Variants in AQP8 observed in about 807,000 individuals in gnomAD.
AQP8 encodes aquaporin-8.
In AQP8, 14 loss-of-function variants were observed where a neutral mutation model predicts 26.1. The ratio of observed to expected loss-of-function variants is 0.54; its 90% confidence interval spans 0.35 to 0.84. The LOEUF (loss-of-function observed/expected upper bound fraction) is 0.84, where lower values mean the gene tolerates loss of function less well. Among genes scored for constraint, AQP8 ranks in the 40% least tolerant of loss-of-function variants. The pLI, the probability that AQP8 is intolerant of heterozygous loss-of-function variation, is 0.01. For synonymous variants in AQP8, 131 were observed against 150.7 expected (o/e 0.87, Z 0.96); for missense variants, 301 against 340.5 (o/e 0.88, Z 0.91).
intron 2 of AQP8, among the ~76,000 whole-genome samples, chr16:25,220,786 C>T (rs1258578845): frequency 1.3e-5 from 2 of 152,212 alleles, no homozygotes; most frequent in South Asian, 2.1e-4. Context: ...CACGGTAGCT[C>T]GTGCCTGTAA....
At chr16:25,220,451 G>T (rs1962546429) in intron 2 of AQP8, among the ~76,000 whole-genome samples, 1 of 152,192 alleles carries the variant, frequency 6.6e-6, no homozygotes, top group South Asian at 2.1e-4. Flanking sequence ...GCCTGGGCTG[G>T]TTGAACATCT....
chr16:25,225,472 C>T (rs1345966896), intron 4 of AQP8, among the ~76,000 whole-genome samples: 9 of 141,848 alleles, frequency 6.3e-5, no homozygotes, highest in Middle Eastern at 3.8e-3. Context: ...CTTACAAGCC[C>T]TTTTTTTTTT....
Position 25,217,024 on chromosome 16 carries a change from A to C in AQP8, c.-22A>C. On this transcript the variant is annotated 5_prime_UTR_variant, in exon 1 of 6. It removes an upstream start codon present in the reference 5' UTR. Transcript: ENST00000219660. The stretch of plus-strand genomic sequence containing the variant: ...TCCCAGCAGCTCAGGCAAGAGTCCG[A>C]TGTTTGTGCCATCTGATCCTGATGT... The C allele has an allele frequency of 6.2e-7, 1 of 1,613,874 alleles. No individual in the cohort carries two copies.
chr16:25,225,234 T>C (rs1962615143), intron 4 of AQP8, among the ~76,000 whole-genome samples: 1 of 152,214 alleles, frequency 6.6e-6, no homozygotes, highest in Non-Finnish European at 1.5e-5. Context: ...TCCTCCTGCG[T>C]TGGCCTCTCA....
rs1312611638 is a variant in AQP8 at position 25,226,446 on chromosome 16, A to G, written c.603-622A>G. Among the ~76,000 whole-genome samples the G allele has an allele frequency of 3.9e-5, 6 of 152,078 alleles. No individual in the cohort carries two copies. In the South Asian group the frequency reaches 1.0e-3, roughly 26 times the overall value. On this transcript the variant is annotated intron_variant, in intron 4 of 5. Transcript: ENST00000219660. ...CTAACTTTGTATTTTTAATACAGAC[A>G]GGGTTTCACCATGTTGGCCAGGCTG...
rs914759939 is a variant in AQP8, at chr16:25,217,272, C to G, written c.87C>G (p.Ser29=). The change falls in exon 2 of 6, where the codon TCC becomes TCG. Residue 29 remains serine, a synonymous_variant. Coordinates refer to ENST00000219660, the MANE Select transcript of AQP8 (RefSeq NM_001169.3). ...EPSVGGRWRV[S]WYERFVQPCL... ...GCGTGGGTGGCAGGTGGCGAGTGTC[C>G]TGGTACGAACGGTTTGTGCAGCCAT... is the stretch of plus-strand genomic sequence containing the variant. The G allele has an allele frequency of 3.1e-6, 5 of 1,614,052 alleles. No homozygotes were observed. Among genetic ancestry groups the G allele is most frequent in the Non-Finnish European group, 4.2e-6 (5 of 1,180,040 alleles).
Position 25,228,590 on chromosome 16 carries a change from GC to G in AQP8, c.*101del. 7.6e-7 allele frequency: 1 copy of G among 1,322,152 alleles called. No homozygotes were observed. The highest frequency in any genetic ancestry group is 1.1e-6 in the Non-Finnish European group (1 of 927,396). 81.9% of individuals were successfully genotyped at this position (1,322,152 alleles called of 1,614,324 possible). A position where few individuals can be genotyped will look rare whatever the true frequency, so the allele number is the denominator to read the frequency against. ...TCCTGCATTTCCTGCCAGGGCAGAG[GC>G]CCAGAGGAGCGACCCCCTGCTTCCA... On this transcript the variant is annotated 3_prime_UTR_variant, in exon 6 of 6. Transcript: ENST00000219660.
Position 25,228,553 on chromosome 16 carries a change from G to A in AQP8, c.*61G>A, listed in dbSNP as rs180769851. ...CCTCAGCTCACCTGTCCCAGACTGA[G>A]GACAGGGGAGTTCCTGCATTTCCTG... On this transcript the variant is annotated 3_prime_UTR_variant, in exon 6 of 6. Transcript: ENST00000219660. 6.4e-6 allele frequency: 10 copies of A among 1,568,590 alleles called. No homozygotes were observed. Among genetic ancestry groups the A allele is most frequent in the East Asian group, 2.2e-5 (1 of 44,600 alleles).
intron 3 of AQP8, among the ~76,000 whole-genome samples, chr16:25,223,062 G>T (rs11648015): frequency 6.6e-6 from 1 of 152,260 alleles, no homozygotes; most frequent in South Asian, 2.1e-4. Context: ...TTCATAGAGA[G>T]CGCTTACCTT....
intron 2 of AQP8, among the ~76,000 whole-genome samples, chr16:25,219,294 CT>C (rs1339049449): frequency 6.6e-6 from 1 of 151,400 alleles, no homozygotes. Context: ...CTCTTTGGCA[CT>C]GCAAATACTG....
At position 25,224,527 on chromosome 16, in the gene AQP8, C is replaced by G; in HGVS notation, c.553C>G (p.Leu185Val). ...GAINEKTKGP[L>V]APFSIGFAVT... is the part of the protein sequence containing the mutation. ...CATCAATGAGAAGACAAAGGGCCCT[C>G]TGGCCCCGTTCTCCATCGGCTTTGC... The change falls in exon 4 of 6, where the codon CTG becomes GTG. Residue 185 changes from leucine (L) to valine (V), a missense_variant. Leu to Val is a conservative substitution (Grantham distance 32). Transcript: ENST00000219660. 1.2e-6 allele frequency: 2 copies of G among 1,613,854 alleles called. No individual in the cohort carries two copies. The highest frequency in any genetic ancestry group is 1.7e-6 in the Non-Finnish European group (2 of 1,180,000).
chr16:25,217,625 G>T (rs2141751252), intron 2 of AQP8, among the ~76,000 whole-genome samples, 180 bp downstream of exon 2: 1 of 152,358 alleles, frequency 6.6e-6, no homozygotes, highest in South Asian at 2.1e-4. Context: ...CTGTGAGCTT[G>T]TGACTTTGAG....
At chr16:25,226,559 G>T (rs1199586808) in intron 4 of AQP8, among the ~76,000 whole-genome samples, 1 of 152,032 alleles carries the variant, frequency 6.6e-6, no homozygotes, top group African/African-American at 2.4e-5. Context: ...GTCTGGCTGA[G>T]GTTACATGAG....
In AQP8 at chr16:25,216,977, T is replaced by C; in HGVS notation, c.-69T>C. On this transcript the variant is annotated 5_prime_UTR_variant, in exon 1 of 6. Coordinates refer to ENST00000219660, the MANE Select transcript of AQP8 (RefSeq NM_001169.3). ...GTCCTGTCCCTAGGAGATAAGAGTA[T>C]CTTGCACAGCAGGTGCAGGTTTCCC... 1 of 1,607,558 alleles carries C rather than the reference T, an allele frequency of 6.2e-7. No homozygotes were observed. Among genetic ancestry groups the C allele is most frequent in the Admixed American group, 1.7e-5 (1 of 59,382 alleles).
intron 2 of AQP8, among the ~76,000 whole-genome samples, chr16:25,219,453 GA>G (rs1348802873): frequency 6.6e-6 from 1 of 151,572 alleles, no homozygotes. Flanking sequence ...GTAAGTGTCA[GA>G]GAAATATATG....
At chr16:25,226,733 A>G (rs1050154612) in intron 4 of AQP8, among the ~76,000 whole-genome samples, 3 of 152,280 alleles carry the variant, frequency 2.0e-5, no homozygotes, top group East Asian at 1.9e-4. Context: ...CTTGACTCCA[A>G]AAGGATTGAA....
At chr16:25,228,267 A>G (rs73551053) in intron 5 of AQP8, among the ~76,000 whole-genome samples, 177 bp from the exon 6 acceptor site, 2 of 139,222 alleles carry the variant, frequency 1.4e-5, no homozygotes, top group Non-Finnish European at 3.1e-5. Context: ...TGTCTCAATT[A>G]AAAAAAAAAA....
At position 25,223,062 on chromosome 16, in the gene AQP8, G is replaced by A. The variant is rs11648015; in HGVS notation, c.388-1300G>A. Among the ~76,000 whole-genome samples the A allele has an allele frequency of 8.4e-3, 1,281 of 152,378 alleles. 14 individuals are homozygous for A. Among genetic ancestry groups the A allele is most frequent in the Middle Eastern group, 0.037 (11 of 294 alleles). On this transcript the variant is annotated intron_variant, in intron 3 of 5. Transcript: ENST00000219660. ...AAAAACCATAGTCAGTTCATAGAGA[G>A]CGCTTACCTTGTGCCAGGCACACCA...
intron 2 of AQP8, among the ~76,000 whole-genome samples, chr16:25,218,140 C>T (rs991723732): frequency 6.6e-6 from 1 of 152,080 alleles, no homozygotes; most frequent in Admixed American, 6.5e-5. Flanking sequence ...GTGCCTCATG[C>T]GGAAGTCATG....
Sources: allele counts gnomAD v4.1 joint callset (sites outside exome capture counted in the v4.1 genomes callset), GRCh38; gene constraint gnomAD v4.1.1; transcripts MANE v1.5; gene names NCBI Gene and HGNC (gene_info 2026-07-23, HGNC 2026-07-21).